Variants in RAP1GAP2 observed in about 807,000 individuals in gnomAD.
RAP1GAP2 encodes RAP1 GTPase activating protein 2.
A neutral mutation model predicts 95.0 loss-of-function variants in RAP1GAP2; 27 were observed. That is an observed-to-expected ratio of 0.28 (90% CI 0.21 to 0.39). RAP1GAP2 has a LOEUF of 0.39. Ranked by LOEUF, RAP1GAP2 falls within the 10% of genes least tolerant of loss-of-function variation. The probability of loss-of-function intolerance (pLI) is 1.00; values close to 1 mark genes in which losing one functional copy is unlikely to be tolerated. For missense variants in RAP1GAP2, 771 were observed against 970.0 expected, an observed-to-expected ratio of 0.79 and a Z score of 2.72; for synonymous variants, 373 against 380.9, an observed-to-expected ratio of 0.98 and a Z score of 0.24.
rs1037283133 is a variant in RAP1GAP2 at position 2,796,477 on chromosome 17, C to T, written c.-51C>T. On this transcript the variant is annotated 5_prime_UTR_variant, in exon 1 of 25. Coordinates refer to ENST00000254695, the MANE Select transcript of RAP1GAP2 (RefSeq NM_015085.5). The surrounding 1 kb of genome is among the most constrained non-coding windows in gnomAD (Gnocchi z 4.7). ...ACCACGGCCCTCTTGCGGACAGCCCCGGGGACGTCGTTGGGACATCGCTGG... is the reference window on the plus strand; with the variant it reads ...ACCACGGCCCTCTTGCGGACAGCCCTGGGGACGTCGTTGGGACATCGCTGG... 23 of 1,549,394 alleles carry T rather than the reference C, an allele frequency of 1.5e-5. No homozygotes were observed. Among genetic ancestry groups the T allele is most frequent in the Admixed American group, 2.0e-5 (1 of 51,012 alleles).
chr17:2,840,547 C>T (rs887674229), intron 2 of RAP1GAP2, among the ~76,000 whole-genome samples: 1 of 152,022 alleles, frequency 6.6e-6, no homozygotes, highest in African/African-American at 2.4e-5. Flanking sequence ...TCTTTTTTCG[C>T]TATGTTTCCC....
chr17:2,992,231 A>G (rs911242509), intron 12 of RAP1GAP2, among the ~76,000 whole-genome samples: 1 of 139,078 alleles, frequency 7.2e-6, no homozygotes, highest in Non-Finnish European at 1.5e-5. Flanking sequence ...TGCGATCTTG[A>G]CTCATGGCAG....
At chr17:2,924,904 G>T (rs1244823713) in intron 3 of RAP1GAP2, among the ~76,000 whole-genome samples, 3 of 152,176 alleles carry the variant, frequency 2.0e-5, no homozygotes, top group Non-Finnish European at 4.4e-5. Context: ...GGTGGCCCAG[G>T]CTCAGAGGAG....
intron 1 of RAP1GAP2, among the ~76,000 whole-genome samples, chr17:2,790,225 G>A (rs868094887): frequency 3.3e-5 from 5 of 151,826 alleles, no homozygotes; most frequent in Admixed American, 2.0e-4. Context: ...CAATTCTCCC[G>A]CCTCAGCCTC....
At chr17:2,792,111 C>A (rs1567651281), upstream of RAP1GAP2, among the ~76,000 whole-genome samples, 1 of 152,092 alleles carries the variant, frequency 6.6e-6, no homozygotes, top group Non-Finnish European at 1.5e-5. Flanking sequence ...CCGCTTGCCT[C>A]GGCTTCCCAA....
rs1238875196 is a variant in RAP1GAP2, at chr17:2,904,441, C to T, written c.81-843C>T. On this transcript the variant is annotated intron_variant, in intron 2 of 24. Transcript: ENST00000254695. The surrounding 1 kb of genome is among the most constrained non-coding windows in gnomAD (Gnocchi z 4.7). The stretch of plus-strand genomic sequence containing the variant: ...CAACTCTGTTTAGCTGCCTCTCTAC[C>T]GTCCTAGCCCACATGGACTAAGTTA... 6.6e-6 allele frequency among the ~76,000 whole-genome samples: 1 copy of T among 152,130 alleles called. No homozygotes were observed. The highest frequency in any genetic ancestry group is 6.5e-5 in the Admixed American group (1 of 15,276).
intron 2 of RAP1GAP2, among the ~76,000 whole-genome samples, chr17:2,862,856 G>A (rs1181238357): frequency 6.6e-6 from 1 of 152,006 alleles, no homozygotes; most frequent in Non-Finnish European, 1.5e-5. Flanking sequence ...AATTAGCTGG[G>A]CGTGGTGGCG....
chr17:2,958,737 A>G (rs1429465211), intron 4 of RAP1GAP2, among the ~76,000 whole-genome samples: 1 of 151,698 alleles, frequency 6.6e-6, no homozygotes, highest in Non-Finnish European at 1.5e-5. Flanking sequence ...TCCAGGCTCA[A>G]GGGAGGAAGA....
In RAP1GAP2 at chr17:3,030,906, C is replaced by G; in HGVS notation, c.2108-16C>G. The stretch of plus-strand genomic sequence containing the variant: ...CCACAGCTCCACCCTCCTTTCATGG[C>G]CGTTCTTTTTCTTAGATGCCAAAAG... On this transcript the variant is annotated splice_polypyrimidine_tract_variant and intron_variant, in intron 22 of 24. Transcript: ENST00000254695. 4 of 1,600,124 alleles carry G rather than the reference C, an allele frequency of 2.5e-6. No individual in the cohort carries two copies. The highest frequency in any genetic ancestry group is 2.6e-6 in the Non-Finnish European group (3 of 1,172,600).
intron 17 of RAP1GAP2, among the ~76,000 whole-genome samples, chr17:3,012,732 C>T (rs1394444961): frequency 6.6e-6 from 1 of 151,844 alleles, no homozygotes; most frequent in Non-Finnish European, 1.5e-5. Flanking sequence ...CCCATGGGGC[C>T]ACTGGGGTTG....
rs1314416935 is a variant in RAP1GAP2, at chr17:2,827,102, G to A, written c.80+26552G>A. Among the ~76,000 whole-genome samples, 2 of 152,232 alleles carry A rather than the reference G, an allele frequency of 1.3e-5. No homozygotes were observed. Among genetic ancestry groups the A allele is most frequent in the Non-Finnish European group, 2.9e-5 (2 of 68,042 alleles). On this transcript the variant is annotated intron_variant, in intron 2 of 24. Coordinates refer to ENST00000254695, the MANE Select transcript of RAP1GAP2 (RefSeq NM_015085.5). This position sits in a 1 kb window ranked among gnomAD's most constrained non-coding sequence, Gnocchi z 4.1. ...GTTTCACATTTGGGGGATTTGCAAA[G>A]TAGTCACGTGGGTGAGGCAGGAGGG...
chr17:2,812,542 G>T (rs1325889931), intron 2 of RAP1GAP2, among the ~76,000 whole-genome samples: 1 of 152,170 alleles, frequency 6.6e-6, no homozygotes, highest in African/African-American at 2.4e-5. Flanking sequence ...GGCTTCTCAT[G>T]CCAGGATGCT....
At chr17:2,977,728 G>A (rs1042760333) in intron 8 of RAP1GAP2, among the ~76,000 whole-genome samples, 2 of 123,764 alleles carry the variant, frequency 1.6e-5, no homozygotes, top group Non-Finnish European at 3.2e-5. Context: ...CTGGGCGACA[G>A]AGTGAGAGAC....
intron 2 of RAP1GAP2, among the ~76,000 whole-genome samples, chr17:2,854,539 G>T (rs1423053662): frequency 6.6e-6 from 1 of 152,258 alleles, no homozygotes; most frequent in Non-Finnish European, 1.5e-5. Flanking sequence ...GCTCGGTGCC[G>T]GCAGGCGAGG....
intron 2 of RAP1GAP2, among the ~76,000 whole-genome samples, chr17:2,886,537 C>G (rs2073511899): frequency 6.6e-6 from 1 of 152,136 alleles, no homozygotes; most frequent in African/African-American, 2.4e-5. Context: ...CAGTGGTGCC[C>G]TTTGTAACAA....
chr17:2,990,298 G>T (rs1260170242), intron 11 of RAP1GAP2, among the ~76,000 whole-genome samples: 1 of 152,202 alleles, frequency 6.6e-6, no homozygotes, highest in African/African-American at 2.4e-5. Context: ...ATTAGCCTTT[G>T]GTATATACCT....
intron 17 of RAP1GAP2, among the ~76,000 whole-genome samples, chr17:3,017,314 A>AAGGG (rs1208273293): frequency 4.6e-5 from 7 of 151,794 alleles, no homozygotes; most frequent in Admixed American, 1.3e-4. Context: ...TGGCCTGAGC[A>AAGGG]GCTCCGTGCC....
chr17:2,796,315 T>A, upstream of RAP1GAP2: 2 of 581,808 alleles, frequency 3.4e-6, no homozygotes, highest in Non-Finnish European at 6.2e-6. This position sits in a 1 kb window ranked among gnomAD's most constrained non-coding sequence, Gnocchi z 4.7. Flanking sequence ...CTCCTCGGCC[T>A]ATCTTGGTGC....
At chr17:2,849,282 C>G (rs547852564) in intron 2 of RAP1GAP2, among the ~76,000 whole-genome samples, 1 of 152,274 alleles carries the variant, frequency 6.6e-6, no homozygotes, top group Non-Finnish European at 1.5e-5. Flanking sequence ...CTCGCCCCCA[C>G]CCACCCCCAA....
Sources: allele counts gnomAD v4.1 joint callset (sites outside exome capture counted in the v4.1 genomes callset), GRCh38; gene constraint gnomAD v4.1.1; non-coding constraint Gnocchi (gnomAD v3.1); transcripts MANE v1.5; gene names NCBI Gene and HGNC (gene_info 2026-07-23, HGNC 2026-07-21).